The following WHRN variants were observed in gnomAD, a reference collection of about 807,000 sequenced individuals.
WHRN encodes CASK-interacting protein CIP98.
A neutral mutation model predicts 68.3 loss-of-function variants in WHRN; 41 were observed. The observed-to-expected ratio is 0.60, with a 90% CI of 0.47 to 0.78. The LOEUF is 0.78. WHRN is among the 30% of genes least tolerant of loss of function. WHRN has a pLI of 0.00. For missense variants in WHRN, 1,243 were observed against 1,244.7 expected (o/e 1.00, Z 0.02); for synonymous variants, 560 against 561.3 (o/e 1.00, Z 0.03).
rs188937579 is a variant in WHRN at position 114,410,417 on chromosome 9, C to T, written c.1627-2399G>A. Among the ~76,000 whole-genome samples, 508 of 152,336 alleles carry T rather than the reference C, an allele frequency of 3.3e-3. 9 individuals are homozygous for T. Among genetic ancestry groups the T allele is most frequent in the Admixed American group, 0.027 (417 of 15,306 alleles). On this transcript the variant is annotated intron_variant, in intron 7 of 11. Transcript: ENST00000362057. ...TGGATGAATGAATGAATCAATCACT[C>T]TAGCCATCATTGGAGGAGGCCAGAG...
chr9:114,494,206 G>A (rs374338239), intron 1 of WHRN, among the ~76,000 whole-genome samples: 5 of 152,372 alleles, frequency 3.3e-5, no homozygotes, highest in African/African-American at 7.2e-5. Flanking sequence ...AGTGCGCTAA[G>A]TACTGTAAAC....
chr9:114,482,086 T>C (rs1842136544), intron 1 of WHRN, among the ~76,000 whole-genome samples: 1 of 151,766 alleles, frequency 6.6e-6, no homozygotes. Context: ...TTGTGCATAG[T>C]GAAGAGCAAA....
intron 2 of WHRN, among the ~76,000 whole-genome samples, chr9:114,471,266 G>A (rs970483185): frequency 6.6e-6 from 1 of 152,068 alleles, no homozygotes; most frequent in Non-Finnish European, 1.5e-5. Flanking sequence ...TATGTCCCAG[G>A]CACCGTACTC....
intron 1 of WHRN, among the ~76,000 whole-genome samples, chr9:114,499,028 T>C (rs1176727950): frequency 7.2e-5 from 11 of 152,204 alleles, no homozygotes; most frequent in Non-Finnish European, 1.6e-4. Context: ...GGTTCATCAA[T>C]TGTTGATAAT....
Position 114,426,254 on chromosome 9 carries a change from T to A in WHRN, c.1123A>T (p.Ile375Phe), listed in dbSNP as rs1305497244. The A allele has an allele frequency of 6.2e-7, 1 of 1,612,666 alleles. No homozygotes were observed. Among genetic ancestry groups the A allele is most frequent in the Admixed American group, 1.7e-5 (1 of 60,010 alleles). The change falls in exon 4 of 12, where the codon ATC (isoleucine) becomes TTC (phenylalanine). Residue 375 changes from isoleucine (I) to phenylalanine (F), a missense_variant. Transcript: ENST00000362057. The part of the protein sequence containing the change: ...ARTTVDETKW[I>F]ASSRIRETMA... The stretch of plus-strand genomic sequence containing the variant: ...GTCTCCCTGATCCGGGAACTGGCGA[T>A]CCACTTGGTCTCGTCCACAGTGGTG...
intron 4 of WHRN, chr9:114,425,948 T>G: frequency 1.9e-6 from 1 of 535,254 alleles, no homozygotes; most frequent in Non-Finnish European, 3.4e-6. Flanking sequence ...ATGAAGCAAC[T>G]AAGGTCTATA....
chr9:114,478,515 T>C, intron 2 of WHRN, 38 bp downstream of exon 2: 1 of 1,607,776 alleles, frequency 6.2e-7, no homozygotes. Flanking sequence ...GAGAATACGG[T>C]GTCTGAGAGG....
chr9:114,481,321 C>T (rs1842079159), intron 1 of WHRN, among the ~76,000 whole-genome samples: 1 of 152,224 alleles, frequency 6.6e-6, no homozygotes. Context: ...GATGGCGTCT[C>T]TCCAAAATTC....
intron 3 of WHRN, among the ~76,000 whole-genome samples, chr9:114,427,438 A>C (rs1194139574): frequency 6.6e-6 from 1 of 152,216 alleles, no homozygotes; most frequent in East Asian, 1.9e-4. Flanking sequence ...ACTGAGGTCC[A>C]AGGACGGGAA....
At chr9:114,473,955 G>A (rs1319200558) in intron 2 of WHRN, among the ~76,000 whole-genome samples, 1 of 152,072 alleles carries the variant, frequency 6.6e-6, no homozygotes, top group Non-Finnish European at 1.5e-5. Flanking sequence ...GAAACATCAT[G>A]CTTATTCCCT....
intron 3 of WHRN, among the ~76,000 whole-genome samples, chr9:114,460,871 T>C (rs1258857899): frequency 6.6e-6 from 1 of 152,240 alleles, no homozygotes; most frequent in Admixed American, 6.5e-5. Flanking sequence ...ACTGCCCACA[T>C]AGCCAAGCCC....
intron 1 of WHRN, among the ~76,000 whole-genome samples, chr9:114,479,071 G>T (rs912641274): frequency 6.6e-6 from 1 of 152,184 alleles, no homozygotes; most frequent in African/African-American, 2.4e-5. Flanking sequence ...TTACAAGGCC[G>T]GCCTTTGGCT....
Position 114,501,950 on chromosome 9 carries a change from T to C in WHRN, c.618+2234A>G, listed in dbSNP as rs1027753390. On this transcript the variant is annotated intron_variant, in intron 1 of 11. Coordinates refer to ENST00000362057, the MANE Select transcript of WHRN (RefSeq NM_015404.4). ...TTTCGCTCTTAATTTTGTGGAAATG[T>C]GTCAACAGTTCTCCAGGTGTTCTTT... Among the ~76,000 whole-genome samples, 8 of 152,360 alleles carry C rather than the reference T, an allele frequency of 5.3e-5. No homozygotes were observed. In the South Asian group the frequency reaches 1.2e-3, roughly 24 times the overall value.
rs768690928 is a variant in WHRN at position 114,406,518 on chromosome 9, G to A, written c.2073C>T (p.Ser691=). The A allele has an allele frequency of 2.0e-5, 32 of 1,613,966 alleles. No homozygotes were observed. Among genetic ancestry groups the A allele is most frequent in the Middle Eastern group, 1.6e-4 (1 of 6,082 alleles). ...CAGCCACTGTGGCCTCTGCAGAGGG[G>A]CTTTTCAGGTGCGGGGGTGACTGGA... The part of the protein sequence containing the change: ...PRVQSPPHLK[S]PSAEATVAGG... The change falls in exon 9 of 12, where the codon AGC becomes AGT. Residue 691 remains serine, a synonymous_variant. Transcript: ENST00000362057.
rs533697311 is a variant in WHRN, at chr9:114,406,403, C to T, written c.2188G>A (p.Asp730Asn). 32 of 1,614,158 alleles carry T rather than the reference C, an allele frequency of 2.0e-5. No homozygotes were observed. The highest frequency in any genetic ancestry group is 1.6e-4 in the Middle Eastern group (1 of 6,062). ...HFVMVEVHRP[D>N]SEPDVNEVRA... ...ACTTCATTGACGTCTGGCTCGCTGT[C>T]GGGGCGGTGGACCTCCACCATGACA... Residue 730 changes from aspartate (D) to asparagine (N), a missense_variant, in exon 9 of 12, where the codon GAC (aspartate) becomes AAC (asparagine). Physicochemically the swap from Asp to Asn is conservative, Grantham distance 23. Transcript: ENST00000362057.
At position 114,475,934 on chromosome 9, in the gene WHRN, C is replaced by T. The variant is rs143205732; in HGVS notation, c.837+2619G>A. 1.1e-3 allele frequency among the ~76,000 whole-genome samples: 168 copies of T among 152,206 alleles called. 5 individuals carry two copies. Among genetic ancestry groups the T allele is most frequent in the African/African-American group, 4.0e-3 (165 of 41,510 alleles). On this transcript the variant is annotated intron_variant, in intron 2 of 11. Coordinates refer to ENST00000362057, the MANE Select transcript of WHRN (RefSeq NM_015404.4). ...CTGCCTCCTTCGGTATCTGGGTCCT[C>T]CCTGGAGTATGATTCATGCAGCCTT...
chr9:114,450,818 TATTA>T (rs1839254537), intron 3 of WHRN, among the ~76,000 whole-genome samples: 1 of 134,884 alleles, frequency 7.4e-6, no homozygotes, highest in South Asian at 2.4e-4. Flanking sequence ...TTGTTATTAT[TATTA>T]GTTTCCCCCC....
intron 3 of WHRN, among the ~76,000 whole-genome samples, chr9:114,449,692 G>C (rs10739413): frequency 0.29 from 43,547 of 152,014 alleles, 6,499 homozygotes; most frequent in Admixed American, 0.36. Flanking sequence ...CCTGTGGCAG[G>C]TTCTTGGGAA....
At position 114,480,367 on chromosome 9, in the gene WHRN, G is replaced by A. The variant is rs1227342931; in HGVS notation, c.619-1596C>T. Among the ~76,000 whole-genome samples the A allele has an allele frequency of 7.2e-5, 11 of 152,174 alleles. No homozygotes were observed. In the South Asian group the frequency reaches 1.2e-3, roughly 17 times the overall value. ...GTATTTCCCTCCAGATCCATACGCC[G>A]AAGCCCTATCCTCAATGTGATGGTA... is the stretch of plus-strand genomic sequence containing the variant. On this transcript the variant is annotated intron_variant, in intron 1 of 11. Coordinates refer to ENST00000362057, the MANE Select transcript of WHRN (RefSeq NM_015404.4).
Sources: gnomAD v4.1 joint callset for allele counts (sites outside exome capture counted in the v4.1 genomes callset) on GRCh38, gnomAD v4.1.1 for gene constraint, MANE v1.5 for transcripts, NCBI Gene and HGNC (gene_info 2026-07-23, HGNC 2026-07-21) for gene names.